RNF24: variants seen among roughly 807,000 people sequenced by gnomAD.
The protein encoded by RNF24 is ring finger protein 24.
Under a neutral mutation model 20.0 loss-of-function variants are expected in RNF24, and 14 were observed. The observed-to-expected ratio is 0.70, with a 90% confidence interval of 0.46 to 1.10. The LOEUF (loss-of-function observed/expected upper bound fraction) is 1.10, where lower values mean the gene tolerates loss of function less well. Among genes scored for constraint, RNF24 ranks in the 50% least tolerant of loss-of-function variants. The pLI is 0.00. For synonymous variants in RNF24, 45 were observed against 61.1 expected, an observed-to-expected ratio of 0.74 and a Z score of 1.23; for missense variants, 124 against 177.6, an observed-to-expected ratio of 0.70 and a Z score of 1.71.
At chr20:3,946,545 C>A (rs1225831679) in intron 3 of RNF24, among the ~76,000 whole-genome samples, 2 of 151,698 alleles carry the variant, frequency 1.3e-5, no homozygotes, top group Non-Finnish European at 2.9e-5. Flanking sequence ...AAAAATTAGC[C>A]GGGGGTGGTG....
At chr20:3,985,123 G>A (rs1056300230) in intron 1 of RNF24, among the ~76,000 whole-genome samples, 4 of 152,030 alleles carry the variant, frequency 2.6e-5, no homozygotes, top group South Asian at 4.1e-4. Context: ...TGTTTTAATC[G>A]GGATCTTTCC....
At chr20:3,991,749 G>A (rs1980458965) in intron 1 of RNF24, among the ~76,000 whole-genome samples, 1 of 152,052 alleles carries the variant, frequency 6.6e-6, no homozygotes, top group South Asian at 2.1e-4. Context: ...ATCAGCATTT[G>A]CTTAGATAAG....
At chr20:4,014,217 A>C (rs1357002899) in intron 1 of RNF24, among the ~76,000 whole-genome samples, 1 of 152,262 alleles carries the variant, frequency 6.6e-6, no homozygotes, top group Non-Finnish European at 1.5e-5. Flanking sequence ...GCAAGGGCGC[A>C]TGCCAGGGTA....
At chr20:4,012,249 C>A (rs2122174501) in intron 1 of RNF24, among the ~76,000 whole-genome samples, 1 of 152,084 alleles carries the variant, frequency 6.6e-6, no homozygotes, top group Middle Eastern at 3.4e-3. Flanking sequence ...TCCGTCTCTA[C>A]TAAAAATACA....
At chr20:3,971,071 A>G (rs969024297) in intron 1 of RNF24, among the ~76,000 whole-genome samples, 5 of 152,200 alleles carry the variant, frequency 3.3e-5, no homozygotes, top group African/African-American at 1.2e-4. Flanking sequence ...AACAACAACA[A>G]AATCTTTTTT....
chr20:3,931,092 A>C lies in RNF24; in HGVS notation c.*2971T>G, dbSNP rs2090815838. On this transcript the variant is annotated 3_prime_UTR_variant, in exon 6 of 6. Coordinates refer to ENST00000358395, the MANE Select transcript of RNF24 (RefSeq NM_001134337.3). ...AGGCTGGTTTTGTTCCCTGTTTCTG[A>C]AGGCAGTTGAATTCAGTTGTACCCC... 2 of 152,232 alleles carry C rather than the reference A, an allele frequency of 1.3e-5. No individual in the cohort carries two copies. Among genetic ancestry groups the C allele is most frequent in the Non-Finnish European group, 2.9e-5 (2 of 68,054 alleles). 9.4% of individuals were successfully genotyped at this position (152,232 alleles called of 1,614,324 possible).
intron 1 of RNF24, among the ~76,000 whole-genome samples, chr20:4,008,386 T>TA (rs1218209332): frequency 4.2e-3 from 102 of 24,338 alleles, no homozygotes; most frequent in African/African-American, 0.016. Flanking sequence ...ATATAATATA[T>TA]ATATTATATA....
intron 1 of RNF24, among the ~76,000 whole-genome samples, chr20:3,998,757 A>G (rs1419126878): frequency 1.0e-5 from 1 of 98,682 alleles, no homozygotes; most frequent in East Asian, 2.3e-4. Context: ...TTCCGTCTCA[A>G]AAAATAAAAT....
chr20:3,972,492 A>G (rs1978435010), intron 1 of RNF24, among the ~76,000 whole-genome samples: 1 of 152,242 alleles, frequency 6.6e-6, no homozygotes, highest in South Asian at 2.1e-4. Flanking sequence ...TTATAACAGA[A>G]GGGTAGCAAG....
chr20:3,984,322 A>G (rs764098200), intron 1 of RNF24, among the ~76,000 whole-genome samples: 1 of 151,972 alleles, frequency 6.6e-6, no homozygotes, highest in African/African-American at 2.4e-5. Context: ...GCCTCTTGTG[A>G]GCTTCGGTTA....
At chr20:3,965,176 A>T (rs1247725359) in intron 1 of RNF24, among the ~76,000 whole-genome samples, 1 of 152,180 alleles carries the variant, frequency 6.6e-6, no homozygotes, top group Non-Finnish European at 1.5e-5. Flanking sequence ...AAGACCAAAG[A>T]TTGACAATGG....
rs200546792 is a variant in RNF24 at position 3,968,006 on chromosome 20, A to ATAAAAAATG, written c.-7-3991_-7-3983dup. On this transcript the variant is annotated intron_variant, in intron 1 of 5. Transcript: ENST00000358395. The stretch of plus-strand genomic sequence containing the variant: ...AAAAAAAAAAAAAAAGAAAGAAAGA[A>ATAAAAAATG]TAAAAAATGTAACAGGTGGCTGGGT... Among the ~76,000 whole-genome samples the ATAAAAAATG allele has an allele frequency of 4.1e-3, 578 of 141,720 alleles. 14 individuals carry two copies. The highest frequency in any genetic ancestry group is 0.026 in the Admixed American group (363 of 13,922). The allele number at this position is 141,720 out of a possible 152,430, so 93.0% of individuals were successfully genotyped here.
chr20:3,988,141 G>A (rs1429213776), intron 1 of RNF24, among the ~76,000 whole-genome samples: 1 of 151,966 alleles, frequency 6.6e-6, no homozygotes, highest in African/African-American at 2.4e-5. Flanking sequence ...TGGACAACAT[G>A]GCAAGACTCC....
intron 1 of RNF24, among the ~76,000 whole-genome samples, chr20:4,000,301 G>T (rs1202213977): frequency 1.3e-5 from 2 of 152,054 alleles, no homozygotes; most frequent in Non-Finnish European, 2.9e-5. Flanking sequence ...AGGTGGGTGG[G>T]TCACCTGAGG....
At chr20:3,942,253 A>G (rs1443998868) in intron 4 of RNF24, among the ~76,000 whole-genome samples, 1 of 146,780 alleles carries the variant, frequency 6.8e-6, no homozygotes. Context: ...ACTGCAGCCT[A>G]AACCTCCTGG....
intron 1 of RNF24, among the ~76,000 whole-genome samples, chr20:3,972,446 G>C (rs1978430141): frequency 6.6e-6 from 1 of 152,182 alleles, no homozygotes; most frequent in Non-Finnish European, 1.5e-5. Flanking sequence ...GTCATATAGA[G>C]TGTGTTACTG....
intron 2 of RNF24, among the ~76,000 whole-genome samples, chr20:3,950,851 C>T (rs1297381091): frequency 2.0e-5 from 3 of 152,006 alleles, no homozygotes; most frequent in Non-Finnish European, 4.4e-5. Context: ...AACTACAGAC[C>T]TTATTTGAAT....
At chr20:3,985,693 C>T (rs1979827841) in intron 1 of RNF24, among the ~76,000 whole-genome samples, 1 of 149,904 alleles carries the variant, frequency 6.7e-6, no homozygotes, top group African/African-American at 2.5e-5. Context: ...TGCCATATTC[C>T]TAGTAATTTT....
At chr20:3,957,753 TTATC>T (rs1264987403) in intron 2 of RNF24, among the ~76,000 whole-genome samples, 1 of 152,172 alleles carries the variant, frequency 6.6e-6, no homozygotes, top group African/African-American at 2.4e-5. Context: ...CTCCCATTAA[TTATC>T]TAATATTTTA....
Sources: gnomAD v4.1 joint callset for allele counts (sites outside exome capture counted in the v4.1 genomes callset) on GRCh38, gnomAD v4.1.1 for gene constraint, MANE v1.5 for transcripts, NCBI Gene and HGNC (gene_info 2026-07-23, HGNC 2026-07-21) for gene names.